The following PPM1B variants were observed in gnomAD, a reference collection of about 807,000 sequenced individuals.
PPM1B encodes the protein protein phosphatase 1B.
In PPM1B, 22 loss-of-function variants were observed where a neutral mutation model predicts 43.0. That is an observed-to-expected ratio of 0.51 (90% CI 0.37 to 0.73). The LOEUF is 0.73. Ranked by LOEUF, PPM1B falls within the 30% of genes least tolerant of loss-of-function variation. The pLI is 0.00. For missense variants in PPM1B, 632 were observed against 584.2 expected (o/e 1.08, Z -0.84); for synonymous variants, 217 against 197.9 (o/e 1.10, Z -0.81).
At chr2:44,235,016 A>G (rs776779733), downstream of PPM1B, among the ~76,000 whole-genome samples, 2 of 152,210 alleles carry the variant, frequency 1.3e-5, no homozygotes, top group African/African-American at 2.4e-5. Flanking sequence ...CTGGCCTCAC[A>G]CAGATAGGTA....
downstream of PPM1B, chr2:44,233,309 A>C (rs1670521830): frequency 2.1e-6 from 2 of 957,656 alleles, no homozygotes; most frequent in Non-Finnish European, 2.5e-6. Flanking sequence ...GAAATACTAC[A>C]GAGATATTTT....
chr2:44,215,799 A>ATT (rs899922157), intron 3 of PPM1B, among the ~76,000 whole-genome samples: 1 of 151,538 alleles, frequency 6.6e-6, no homozygotes, highest in Non-Finnish European at 1.5e-5. Context: ...GTAAAAACCT[A>ATT]TTTTTTTTTA....
chr2:44,224,989 G>A (rs765899631), intron 5 of PPM1B, among the ~76,000 whole-genome samples: 8 of 152,096 alleles, frequency 5.3e-5, no homozygotes, highest in Admixed American at 2.0e-4. Context: ...TCAACAGAGC[G>A]CAAAGATAGA....
chr2:44,188,394 T>A (rs1438473516), intron 1 of PPM1B, among the ~76,000 whole-genome samples: 2 of 24,368 alleles, frequency 8.2e-5, no homozygotes, highest in East Asian at 4.6e-3. Context: ...TCTTTCTTTC[T>A]TTTTTTTTTT....
At chr2:44,203,242 A>G (rs1332031992) in intron 2 of PPM1B, among the ~76,000 whole-genome samples, 1 of 152,178 alleles carries the variant, frequency 6.6e-6, no homozygotes, top group Non-Finnish European at 1.5e-5. Context: ...TAATGATGGT[A>G]CCTCTAGCTC....
downstream of PPM1B, among the ~76,000 whole-genome samples, chr2:44,237,249 A>G (rs1670645742): frequency 6.6e-6 from 1 of 152,212 alleles, no homozygotes; most frequent in African/African-American, 2.4e-5. Flanking sequence ...AAAATGCTAA[A>G]CAAGTGTTTG....
intron 1 of PPM1B, among the ~76,000 whole-genome samples, chr2:44,198,424 G>T (rs188687259): frequency 6.6e-6 from 1 of 152,158 alleles, no homozygotes; most frequent in Admixed American, 6.5e-5. Context: ...GCCTCCCAAA[G>T]TGTTGGGATT....
At chr2:44,226,261 C>T (rs569589539) in intron 5 of PPM1B, among the ~76,000 whole-genome samples, 2 of 152,244 alleles carry the variant, frequency 1.3e-5, no homozygotes, top group South Asian at 4.1e-4. Context: ...AGACCTGAGC[C>T]ACTGCGCCCG....
At position 44,203,647 on chromosome 2, in the gene PPM1B, A is replaced by T. The variant is rs1423375919; in HGVS notation, c.846+1602A>T. Among the ~76,000 whole-genome samples, 6 of 152,236 alleles carry T rather than the reference A, an allele frequency of 3.9e-5. No individual in the cohort carries two copies. In the East Asian group the frequency reaches 1.2e-3, roughly 29 times the overall value. ...GTGTGTGTATTTTTATAAAACCGAG[A>T]TGATTATACTTGTTATTCTACAGCC... On this transcript the variant is annotated intron_variant, in intron 2 of 5. Transcript: ENST00000282412.
At chr2:44,224,371 C>T (rs886922260) in intron 5 of PPM1B, among the ~76,000 whole-genome samples, 2 of 146,776 alleles carry the variant, frequency 1.4e-5, no homozygotes, top group Non-Finnish European at 3.0e-5. Flanking sequence ...AGGAGAATGG[C>T]GTGAACCCGG....
chr2:44,243,423 GT>G (rs1414943200), intron 5 of PPM1B, among the ~76,000 whole-genome samples: 1 of 151,984 alleles, frequency 6.6e-6, no homozygotes, highest in Non-Finnish European at 1.5e-5. Context: ...TTCTTTAACA[GT>G]TTCATCAACC....
intron 3 of PPM1B, among the ~76,000 whole-genome samples, chr2:44,211,161 G>C (rs1669448099): frequency 6.6e-6 from 1 of 151,990 alleles, no homozygotes; most frequent in African/African-American, 2.4e-5. Flanking sequence ...AGAAATTAAC[G>C]TTGATACAAT....
chr2:44,189,550 G>C (rs1668304171), intron 1 of PPM1B, among the ~76,000 whole-genome samples: 1 of 152,112 alleles, frequency 6.6e-6, no homozygotes, highest in Non-Finnish European at 1.5e-5. Flanking sequence ...TGCAACCTCT[G>C]CCTGCCAGGT....
downstream of PPM1B, chr2:44,231,539 C>T (rs1438169988): frequency 2.6e-6 from 2 of 772,928 alleles, no homozygotes; most frequent in African/African-American, 1.9e-5. Flanking sequence ...TGGAAGAATA[C>T]CCATTAGAAA....
intron 3 of PPM1B, among the ~76,000 whole-genome samples, chr2:44,210,780 A>G (rs999508189): frequency 1.1e-4 from 17 of 152,124 alleles, no homozygotes; most frequent in African/African-American, 2.9e-4. Context: ...CAAATATGAT[A>G]TATCAGTACT....
chr2:44,185,709 C>A (rs1259610565), intron 1 of PPM1B, among the ~76,000 whole-genome samples: 1 of 151,830 alleles, frequency 6.6e-6, no homozygotes, highest in East Asian at 1.9e-4. Context: ...TAGTTTCCAG[C>A]TTTTGGAGAA....
At chr2:44,195,703 C>G (rs989785932) in intron 1 of PPM1B, among the ~76,000 whole-genome samples, 11 of 152,188 alleles carry the variant, frequency 7.2e-5, no homozygotes, top group African/African-American at 2.7e-4. Flanking sequence ...ATGTCTGCAA[C>G]CTATTTAGTA....
At chr2:44,209,522 C>T (rs1669356110) in intron 3 of PPM1B, 195 bp downstream of exon 3, 6 of 535,704 alleles carry the variant, frequency 1.1e-5, no homozygotes, top group Non-Finnish European at 1.5e-5. Context: ...TGGCTCACAC[C>T]TGTAATCCCA....
intron 5 of PPM1B, among the ~76,000 whole-genome samples, chr2:44,225,205 T>C (rs920519): frequency 0.76 from 115,060 of 152,088 alleles, 43,843 homozygotes; most frequent in South Asian, 0.89. Context: ...TTTTCCTTCC[T>C]TAGATGGTAG....
Sources: gnomAD v4.1 joint callset for allele counts (sites outside exome capture counted in the v4.1 genomes callset) on GRCh38, gnomAD v4.1.1 for gene constraint, MANE v1.5 for transcripts, NCBI Gene and HGNC (gene_info 2026-07-23, HGNC 2026-07-21) for gene names.